ME3: variants seen among roughly 807,000 people sequenced by gnomAD.
The protein encoded by ME3 is NADP-dependent malic enzyme, mitochondrial.
ME3 carries 48 observed loss-of-function variants against 68.9 expected under a neutral mutation model. The observed-to-expected ratio is 0.70, with a 90% CI of 0.55 to 0.89. The LOEUF (loss-of-function observed/expected upper bound fraction) is 0.89, where lower values mean the gene tolerates loss of function less well. ME3 is among the 40% of genes least tolerant of loss of function. The pLI is 0.00. For missense variants in ME3, 675 were observed against 797.4 expected (o/e 0.85, Z 1.85); for synonymous variants, 320 against 318.8 (o/e 1.00, Z -0.04).
intron 4 of ME3, among the ~76,000 whole-genome samples, chr11:86,545,813 C>T (rs1198569362): frequency 6.6e-6 from 1 of 152,184 alleles, no homozygotes; most frequent in Non-Finnish European, 1.5e-5. Flanking sequence ...GAAAAAACTA[C>T]TTTAAATTTC....
intron 2 of ME3, among the ~76,000 whole-genome samples, chr11:86,621,962 T>C (rs889575447): frequency 1.3e-5 from 2 of 152,032 alleles, no homozygotes; most frequent in Non-Finnish European, 2.9e-5. Flanking sequence ...AGTCCAGAGA[T>C]AACAGGAAAG....
At chr11:86,655,445 G>A (rs899833411) in intron 2 of ME3, among the ~76,000 whole-genome samples, 264 of 151,998 alleles carry the variant, frequency 1.7e-3, no homozygotes, top group African/African-American at 1.6e-3. Flanking sequence ...ATAACGCCAC[G>A]TATCTACAAT....
intron 2 of ME3, among the ~76,000 whole-genome samples, chr11:86,666,383 A>G (rs1946589385): frequency 6.6e-6 from 1 of 152,180 alleles, no homozygotes; most frequent in Admixed American, 6.5e-5. Context: ...ACCACACATC[A>G]ACTCATGATT....
intron 2 of ME3, among the ~76,000 whole-genome samples, chr11:86,664,098 C>T (rs1946447005): frequency 6.6e-6 from 1 of 152,198 alleles, no homozygotes; most frequent in East Asian, 1.9e-4. Flanking sequence ...CTATATGTTA[C>T]AGATGGGCCA....
At chr11:86,482,244 C>A (rs1294488788) in intron 7 of ME3, among the ~76,000 whole-genome samples, 1 of 152,030 alleles carries the variant, frequency 6.6e-6, no homozygotes, top group African/African-American at 2.4e-5. Flanking sequence ...AGTGTAGAGT[C>A]TCAGGTTATC....
chr11:86,671,159 T>A (rs1214453963), intron 2 of ME3, among the ~76,000 whole-genome samples: 1 of 152,210 alleles, frequency 6.6e-6, no homozygotes, highest in Admixed American at 6.5e-5. Context: ...GTTTCCTTTG[T>A]CTTGTTTTTT....
At chr11:86,536,297 A>T (rs1955655064) in intron 4 of ME3, among the ~76,000 whole-genome samples, 1 of 150,248 alleles carries the variant, frequency 6.7e-6, no homozygotes, top group Admixed American at 6.7e-5. Context: ...GATCTAATTA[A>T]ACTAAAGAGC....
At position 86,559,588 on chromosome 11, in the gene ME3, C is replaced by T. The variant is rs570174096; in HGVS notation, c.317+102G>A. ...GTCTGGGATCTCTTTGGGCTCTCAG[C>T]CTTTTTTAGCTGGAGAGTTTCCAGA... On this transcript the variant is annotated intron_variant, in intron 3 of 14. Coordinates refer to ENST00000543262, the Ensembl canonical transcript of ME3. 4 of 1,405,498 alleles carry T rather than the reference C, an allele frequency of 2.8e-6. No homozygotes were observed. The South Asian group carries it at 4.8e-5, about 17-fold the overall frequency. The allele number at this position is 1,405,498 out of a possible 1,614,324, so 87.1% of individuals were successfully genotyped here.
chr11:86,466,616 A>G (rs1268357852), intron 7 of ME3, among the ~76,000 whole-genome samples: 1 of 152,172 alleles, frequency 6.6e-6, no homozygotes, highest in Non-Finnish European at 1.5e-5. Context: ...GAGCACTGAA[A>G]TGGCCCACAA....
At chr11:86,523,212 A>G (rs776292559) in intron 4 of ME3, among the ~76,000 whole-genome samples, 52 of 152,356 alleles carry the variant, frequency 3.4e-4, no homozygotes, top group Admixed American at 1.7e-3. Context: ...GCCAACATTT[A>G]TTTAGCTCCC....
At chr11:86,526,395 T>TGCA (rs1443302138) in intron 4 of ME3, among the ~76,000 whole-genome samples, 1 of 152,198 alleles carries the variant, frequency 6.6e-6, no homozygotes, top group Non-Finnish European at 1.5e-5. Flanking sequence ...TGGAGCCCAC[T>TGCA]GCAGCCCAAG....
At chr11:86,640,382 T>C (rs1189805404) in intron 2 of ME3, among the ~76,000 whole-genome samples, 1 of 152,228 alleles carries the variant, frequency 6.6e-6, no homozygotes, top group Non-Finnish European at 1.5e-5. Flanking sequence ...TCAGTGACCC[T>C]GAAGTGCTTC....
intron 4 of ME3, among the ~76,000 whole-genome samples, chr11:86,549,836 G>A (rs187803534): frequency 6.6e-6 from 1 of 152,264 alleles, no homozygotes; most frequent in African/African-American, 2.4e-5. Context: ...GAGATGAGGG[G>A]GCTTGGGTGG....
At chr11:86,567,259 G>A (rs893900178) in intron 2 of ME3, among the ~76,000 whole-genome samples, 1 of 150,428 alleles carries the variant, frequency 6.6e-6, no homozygotes, top group East Asian at 2.0e-4. Context: ...AGGAAGGAAG[G>A]AAGGAAGGAA....
chr11:86,556,669 G>C (rs74559403), exon 4 of ME3: 1 of 1,613,992 alleles, frequency 6.2e-7, no homozygotes, highest in South Asian at 1.1e-5. Flanking sequence ...AGAGCTTCTC[G>C]TTCCGGTCTT....
intron 2 of ME3, among the ~76,000 whole-genome samples, chr11:86,614,320 A>G (rs1473284828): frequency 1.3e-5 from 2 of 152,186 alleles, no homozygotes; most frequent in African/African-American, 4.8e-5. Context: ...GCACTTTAAG[A>G]TTGTATTTTC....
chr11:86,491,055 C>G (rs1205802757), intron 6 of ME3, among the ~76,000 whole-genome samples: 3 of 152,134 alleles, frequency 2.0e-5, no homozygotes, highest in Non-Finnish European at 4.4e-5. Flanking sequence ...TTCTATGTCT[C>G]AGATACTTTA....
intron 8 of ME3, among the ~76,000 whole-genome samples, chr11:86,452,981 A>G (rs1327237635): frequency 6.6e-6 from 1 of 151,452 alleles, no homozygotes; most frequent in Non-Finnish European, 1.5e-5. Flanking sequence ...ATTTTGTTAG[A>G]GGTTTTGTTT....
Position 86,447,028 on chromosome 11 carries a change from T to C in ME3, c.1380+37A>G, listed in dbSNP as rs1448955712. ...GTTACTCATTGTAATTGTTACTATG[T>C]CCTCTCAGCCGGGGGAAGGAAGGAC... On this transcript the variant is annotated intron_variant, in intron 12 of 14. Coordinates refer to ENST00000543262, the Ensembl canonical transcript of ME3. The C allele has an allele frequency of 7.5e-6, 12 of 1,606,166 alleles. No homozygotes were observed. The East Asian group carries it at 2.5e-4, about 33-fold the overall frequency.
Sources: gnomAD v4.1 joint callset for allele counts (sites outside exome capture counted in the v4.1 genomes callset) on GRCh38, gnomAD v4.1.1 for gene constraint, MANE v1.5 for transcripts, NCBI Gene and HGNC (gene_info 2026-07-23, HGNC 2026-07-21) for gene names.